DNASE1: variants seen among roughly 807,000 people sequenced by gnomAD.
DNASE1 encodes the protein deoxyribonuclease-1.
In DNASE1, 40 loss-of-function variants were observed where a neutral mutation model predicts 33.9. The observed-to-expected ratio is 1.18, with a 90% CI of 0.92 to 1.54. The LOEUF (loss-of-function observed/expected upper bound fraction) is 1.54, where lower values mean the gene tolerates loss of function less well. Among genes scored for constraint, DNASE1 ranks in the 40% most tolerant of loss-of-function variants. The pLI is 0.00. For synonymous variants in DNASE1, 216 were observed against 160.0 expected (o/e 1.35, Z -2.64); for missense variants, 518 against 372.6 (o/e 1.39, Z -3.21).
At chr16:3,626,391 C>T (rs989806542) in intron 1 of DNASE1, among the ~76,000 whole-genome samples, 2 of 152,064 alleles carry the variant, frequency 1.3e-5, no homozygotes, top group African/African-American at 4.8e-5. Flanking sequence ...CTGTTTGAGC[C>T]ATGGTTATTT....
At chr16:3,642,104 G>T (rs1160697765), upstream of DNASE1, among the ~76,000 whole-genome samples, 2 of 152,180 alleles carry the variant, frequency 1.3e-5, no homozygotes, top group African/African-American at 4.8e-5. Flanking sequence ...CTGGGCTCGG[G>T]GTGGGAGCCC....
At chr16:3,634,133 T>C (rs1368905387) in intron 1 of DNASE1, among the ~76,000 whole-genome samples, 1 of 151,728 alleles carries the variant, frequency 6.6e-6, no homozygotes, top group African/African-American at 2.4e-5. Flanking sequence ...TTGACAGCAA[T>C]ATCATAAGGG....
At chr16:3,662,194 T>G, downstream of DNASE1, 2 of 1,567,214 alleles carry the variant, frequency 1.3e-6, no homozygotes, top group South Asian at 2.4e-5. Flanking sequence ...GCTGGCAGGA[T>G]CTTACCAGGG....
chr16:3,649,901 G>A (rs1051176655), upstream of DNASE1, among the ~76,000 whole-genome samples: 14 of 151,688 alleles, frequency 9.2e-5, no homozygotes, highest in African/African-American at 2.7e-4. Flanking sequence ...TTTATTTCTC[G>A]GTGTGTTTTC....
At chr16:3,648,405 AC>A (rs1396873191) in intron 1 of DNASE1, among the ~76,000 whole-genome samples, 2 of 152,154 alleles carry the variant, frequency 1.3e-5, no homozygotes. Flanking sequence ...TACTAAAAAT[AC>A]AAAAAATTAG....
At chr16:3,665,095 TAA>T (rs1454846763) in exon 10 of DNASE1, 3 of 152,408 alleles carry the variant, frequency 2.0e-5, no homozygotes, top group African/African-American at 7.2e-5. Context: ...TCTGCATTGA[TAA>T]GACATGTCAC....
At chr16:3,646,943 T>C (rs2042190358) in intron 1 of DNASE1, among the ~76,000 whole-genome samples, 1 of 151,850 alleles carries the variant, frequency 6.6e-6, no homozygotes, top group Non-Finnish European at 1.5e-5. Flanking sequence ...GCCAAGGAAA[T>C]AATCTGGGGC....
chr16:3,654,885 C>T lies in DNASE1; in HGVS notation c.-161C>T, dbSNP rs1446607355. The T allele has an allele frequency of 2.3e-6, 1 of 430,388 alleles. No individual in the cohort carries two copies. Among genetic ancestry groups the T allele is most frequent in the Non-Finnish European group, 4.1e-6 (1 of 246,066 alleles). The allele number at this position is 430,388 out of a possible 1,614,324, so 26.7% of individuals were successfully genotyped here. On this transcript the variant is annotated 5_prime_UTR_variant, in exon 1 of 9. Transcript: ENST00000246949. ...GCACTGCCTGTGCAGGATCCGGAGC[C>T]CAGCAGCACTGCCAGGGCCTTGAAG... is the stretch of plus-strand genomic sequence containing the variant.
chr16:3,618,321 T>A (rs1320962326), intron 1 of DNASE1, among the ~76,000 whole-genome samples: 1 of 151,206 alleles, frequency 6.6e-6, no homozygotes, highest in East Asian at 1.9e-4. Flanking sequence ...CTGGAGGGAA[T>A]GTAAAATGGT....
chr16:3,658,637 C>T, downstream of DNASE1: 3 of 717,688 alleles, frequency 4.2e-6, no homozygotes, highest in Non-Finnish European at 4.6e-6. Context: ...CGCGCCACTG[C>T]ACTCCAGCCT....
chr16:3,633,632 C>A (rs1377617034), intron 1 of DNASE1, among the ~76,000 whole-genome samples: 8 of 149,632 alleles, frequency 5.3e-5, no homozygotes, highest in Admixed American at 4.7e-4. Flanking sequence ...AAAAAAAAGT[C>A]TTTGCCCTTG....
At chr16:3,641,274 C>T (rs2042014979), upstream of DNASE1, 1 of 230,556 alleles carries the variant, frequency 4.3e-6, no homozygotes. Flanking sequence ...AGGTGAGAAC[C>T]AGTGCCGCTC....
chr16:3,636,030 A>G (rs975234291), intron 1 of DNASE1, among the ~76,000 whole-genome samples: 1 of 152,046 alleles, frequency 6.6e-6, no homozygotes, highest in African/African-American at 2.4e-5. Flanking sequence ...TTTTCTGCTC[A>G]TTTCTGCCTG....
upstream of DNASE1, chr16:3,641,300 T>G: frequency 1.1e-5 from 2 of 186,860 alleles, no homozygotes; most frequent in African/African-American, 2.3e-5. Flanking sequence ...AGCCCTGCGA[T>G]TCCTGGGGAG....
At chr16:3,613,976 G>A (rs2041006533) in intron 1 of DNASE1, among the ~76,000 whole-genome samples, 1 of 135,774 alleles carries the variant, frequency 7.4e-6, no homozygotes, top group Non-Finnish European at 1.6e-5. Context: ...GCAGTGGTGT[G>A]ATCTCGGCTC....
At chr16:3,659,121 G>C (rs1475455296), downstream of DNASE1, 22 of 418,876 alleles carry the variant, frequency 5.3e-5, no homozygotes, top group Non-Finnish European at 9.4e-5. Context: ...AGGGACAAAA[G>C]GAGCTTAGTA....
At chr16:3,662,559 T>G, downstream of DNASE1, 2 of 570,786 alleles carry the variant, frequency 3.5e-6, no homozygotes. Context: ...GCATGTGAGC[T>G]CCTGAGGGCT....
At chr16:3,615,400 G>A (rs1009878112) in intron 1 of DNASE1, among the ~76,000 whole-genome samples, 2 of 152,190 alleles carry the variant, frequency 1.3e-5, no homozygotes, top group Admixed American at 1.3e-4. Flanking sequence ...TGTTACTCCA[G>A]CAGAAGCCCT....
At position 3,657,349 on chromosome 16, in the gene DNASE1, G is replaced by A; in HGVS notation, c.704+8G>A. On this transcript the variant is annotated splice_region_variant and intron_variant, in intron 7 of 8. Transcript: ENST00000246949. ...GCACTGTGCCTATGACAGGTGAGCA[G>A]GGCCTCGCGCTTAGGGCAGACTGAG... The A allele has an allele frequency of 1.9e-6, 3 of 1,612,148 alleles. No individual in the cohort carries two copies. Among genetic ancestry groups the A allele is most frequent in the Non-Finnish European group, 2.5e-6 (3 of 1,179,908 alleles).
Sources: gnomAD v4.1 joint callset for allele counts (sites outside exome capture counted in the v4.1 genomes callset) on GRCh38, gnomAD v4.1.1 for gene constraint, MANE v1.5 for transcripts, NCBI Gene and HGNC (gene_info 2026-07-23, HGNC 2026-07-21) for gene names.